MRTFB: variants seen among roughly 807,000 people sequenced by gnomAD.
MRTFB encodes the protein myocardin related transcription factor B.
A neutral mutation model predicts 104.2 loss-of-function variants in MRTFB; 29 were observed. The ratio of observed to expected loss-of-function variants is 0.28; its 90% CI spans 0.21 to 0.38. MRTFB has a LOEUF of 0.38. Ranked by LOEUF, MRTFB falls within the 10% of genes least tolerant of loss-of-function variation. The pLI, the probability that MRTFB is intolerant of heterozygous loss-of-function variation, is 1.00. For missense variants in MRTFB, 1,270 were observed against 1,341.6 expected, an observed-to-expected ratio of 0.95 and a Z score of 0.83; for synonymous variants, 535 against 519.5, an observed-to-expected ratio of 1.03 and a Z score of -0.41.
intron 8 of MRTFB, 108 bp downstream of exon 8, chr16:14,219,106 A>G (rs2041567289): frequency 1.7e-6 from 2 of 1,170,058 alleles, no homozygotes; most frequent in Admixed American, 3.6e-5. Flanking sequence ...TTGAATTTAA[A>G]TTGATTTATT....
chr16:14,049,469 G>A, the MRTFB span, among the ~76,000 whole-genome samples: 2 of 152,210 alleles, frequency 1.3e-5, no homozygotes, highest in African/African-American at 4.8e-5. Context: ...AAAAGAGTTA[G>A]GTCAAGGTCA....
chr16:14,174,075 A>T lies in MRTFB; in HGVS notation c.154+33315A>T, dbSNP rs1653046997. ...TGGAACTTGTTTTCCCTGTGACTTA[A>T]TGTATAATTTTTTTTGAGGATTCTA... On this transcript the variant is annotated intron_variant, in intron 3 of 16. Coordinates refer to ENST00000571589, the MANE Select transcript of MRTFB (RefSeq NM_001308142.2). Among the ~76,000 whole-genome samples the T allele has an allele frequency of 2.0e-5, 3 of 152,066 alleles. No homozygotes were observed. In the South Asian group the frequency reaches 6.2e-4, roughly 32 times the overall value.
the MRTFB span, among the ~76,000 whole-genome samples, chr16:14,007,661 G>A: frequency 6.6e-6 from 1 of 152,280 alleles, no homozygotes; most frequent in Non-Finnish European, 1.5e-5. Context: ...AAAGCTCTGT[G>A]CTACTTTACA....
intron 3 of MRTFB, among the ~76,000 whole-genome samples, chr16:14,188,201 C>T (rs1454696364): frequency 6.6e-6 from 1 of 152,142 alleles, no homozygotes; most frequent in Non-Finnish European, 1.5e-5. Flanking sequence ...GCATGTCTTA[C>T]TGCCGGTTTT....
At chr16:14,187,897 C>T (rs1042585399) in intron 3 of MRTFB, among the ~76,000 whole-genome samples, 1 of 152,182 alleles carries the variant, frequency 6.6e-6, no homozygotes, top group Non-Finnish European at 1.5e-5. Context: ...AACCCACAAT[C>T]CCCCTTTTTC....
chr16:14,254,204 G>A (rs116281076), intron 15 of MRTFB, among the ~76,000 whole-genome samples: 2,992 of 152,248 alleles, frequency 0.02, 112 homozygotes, highest in African/African-American at 0.068. Context: ...ACCAAACTTC[G>A]TTTAAATACA....
chr16:14,151,300 T>C (rs1336054211), intron 3 of MRTFB: 1 of 152,248 alleles, frequency 6.6e-6, no homozygotes, highest in Non-Finnish European at 1.5e-5. Flanking sequence ...ATATATTTTA[T>C]ACATTCACAA....
the MRTFB span, among the ~76,000 whole-genome samples, chr16:14,049,985 G>A: frequency 9.2e-4 from 140 of 152,262 alleles, no homozygotes; most frequent in African/African-American, 3.3e-3. Flanking sequence ...CATCCGCCTC[G>A]GCCTTCCAAA....
At chr16:14,195,187 G>A (rs2040378670) in intron 3 of MRTFB, among the ~76,000 whole-genome samples, 1 of 152,130 alleles carries the variant, frequency 6.6e-6, no homozygotes, top group East Asian at 1.9e-4. Context: ...CCAAACATCA[G>A]AACTTTTCTC....
intron 3 of MRTFB, among the ~76,000 whole-genome samples, chr16:14,158,380 ATATTTTACCTTTGAAG>A (rs1035203166): frequency 3.4e-4 from 51 of 152,238 alleles, no homozygotes; most frequent in African/African-American, 1.2e-3. Context: ...CTAGGCAAAG[ATATTTTACCTTTGAAG>A]TAGGTTTTAA....
chr16:14,014,713 A>G, the MRTFB span, among the ~76,000 whole-genome samples: 1 of 151,568 alleles, frequency 6.6e-6, no homozygotes, highest in Non-Finnish European at 1.5e-5. Context: ...AAAGAAAAAA[A>G]GAAAATTAGC....
Position 14,161,520 on chromosome 16 carries a change from C to A in MRTFB, c.154+20760C>A, listed in dbSNP as rs1479214990. Among the ~76,000 whole-genome samples, 5 of 152,088 alleles carry A rather than the reference C, an allele frequency of 3.3e-5. No homozygotes were observed. In the East Asian group the frequency reaches 9.6e-4, roughly 29 times the overall value. ...TTCAGGGGAAAAACATCTACATGAT[C>A]TTGAAGTGGGCAAAAATTTTTTAAA... On this transcript the variant is annotated intron_variant, in intron 3 of 16. Transcript: ENST00000571589.
chr16:14,027,839 G>A, the MRTFB span, among the ~76,000 whole-genome samples: 1 of 152,314 alleles, frequency 6.6e-6, no homozygotes, highest in Non-Finnish European at 1.5e-5. Flanking sequence ...ATTTGCTATT[G>A]TTTCTCCAGC....
At chr16:14,083,211 G>A (rs914890711) in intron 2 of MRTFB, among the ~76,000 whole-genome samples, 22 of 151,666 alleles carry the variant, frequency 1.5e-4, no homozygotes, top group African/African-American at 5.3e-4. Context: ...TTTATATCCT[G>A]CAACTTTATT....
the MRTFB span, among the ~76,000 whole-genome samples, chr16:14,028,106 G>A: frequency 1.3e-5 from 2 of 152,192 alleles, no homozygotes; most frequent in Non-Finnish European, 2.9e-5. Flanking sequence ...GAACCCAAGA[G>A]GCGGAGGCTA....
chr16:14,162,269 G>C (rs1195571861), intron 3 of MRTFB, among the ~76,000 whole-genome samples: 1 of 151,972 alleles, frequency 6.6e-6, no homozygotes, highest in Non-Finnish European at 1.5e-5. Context: ...GTGATGTCGA[G>C]ACTGCAGTGA....
intron 11 of MRTFB, 31 bp from the exon 12 acceptor site, chr16:14,246,442 A>G (rs1263894443): frequency 6.2e-7 from 1 of 1,604,884 alleles, no homozygotes; most frequent in Non-Finnish European, 8.5e-7. Context: ...AAGCTCTAAT[A>G]CTAAGATATC....
chr16:14,042,805 G>A, the MRTFB span, among the ~76,000 whole-genome samples: 5 of 152,160 alleles, frequency 3.3e-5, no homozygotes, highest in South Asian at 2.1e-4. Context: ...GCCAAGCAGC[G>A]TTTACCTCCA....
chr16:14,153,043 C>T (rs929782532), intron 3 of MRTFB: 1 of 152,024 alleles, frequency 6.6e-6, no homozygotes, highest in Non-Finnish European at 1.5e-5. Context: ...TTCATGTTAT[C>T]ATATTCTAAT....
Sources: allele counts gnomAD v4.1 joint callset (sites outside exome capture counted in the v4.1 genomes callset), GRCh38; gene constraint gnomAD v4.1.1; transcripts MANE v1.5; gene names NCBI Gene and HGNC (gene_info 2026-07-23, HGNC 2026-07-21).